TOX: variants seen among roughly 807,000 people sequenced by gnomAD.
TOX encodes thymocyte selection associated high mobility group box.
Under a neutral mutation model 53.7 loss-of-function variants are expected in TOX, and 11 were observed. That is an observed-to-expected ratio of 0.20 (90% CI 0.13 to 0.34). TOX has a LOEUF of 0.34. TOX is among the 10% of genes least tolerant of loss of function. The pLI is 1.00. For synonymous variants in TOX, 225 were observed against 245.3 expected, an observed-to-expected ratio of 0.92 and a Z score of 0.77; for missense variants, 570 against 664.6, an observed-to-expected ratio of 0.86 and a Z score of 1.56.
At chr8:59,025,221 T>C (rs1814212594) in intron 1 of TOX, among the ~76,000 whole-genome samples, 1 of 152,142 alleles carries the variant, frequency 6.6e-6, no homozygotes, top group Non-Finnish European at 1.5e-5. Flanking sequence ...CCTCTCAGGA[T>C]GAAATTCCCT....
rs544976011 is a variant in TOX, at chr8:58,928,357, A to G, written c.411+10945T>C. On this transcript the variant is annotated intron_variant, in intron 3 of 8. Transcript: ENST00000361421. ...AAAATCCATGTGATAGTAGCTATTAACAAGAGGTCCCACTCTGCATCTGTC... is the reference window on the plus strand; with the variant it reads ...AAAATCCATGTGATAGTAGCTATTAGCAAGAGGTCCCACTCTGCATCTGTC... Among the ~76,000 whole-genome samples the G allele has an allele frequency of 6.6e-5, 10 of 152,338 alleles. No homozygotes were observed. The East Asian group carries it at 1.7e-3, about 26-fold the overall frequency.
intron 1 of TOX, among the ~76,000 whole-genome samples, chr8:59,112,160 C>T (rs1368793856): frequency 6.6e-6 from 1 of 152,160 alleles, no homozygotes; most frequent in Non-Finnish European, 1.5e-5. Flanking sequence ...CCTCCCTTCT[C>T]GTCTTTTCTG....
intron 1 of TOX, among the ~76,000 whole-genome samples, chr8:59,109,640 C>T (rs1376210079): frequency 6.6e-6 from 1 of 152,078 alleles, no homozygotes; most frequent in Non-Finnish European, 1.5e-5. Flanking sequence ...ATGATTAGCA[C>T]ATTATGTGAA....
chr8:58,840,030 C>T (rs1037017571), intron 4 of TOX, among the ~76,000 whole-genome samples: 16 of 152,182 alleles, frequency 1.1e-4, no homozygotes, highest in African/African-American at 3.4e-4. Context: ...AGTTTAAAAG[C>T]GTATTCAAAT....
In TOX at chr8:59,034,091, G is replaced by A. The variant is rs376030012; in HGVS notation, c.103-74083C>T. ...CCCAACGAGTTCCCATCAGACTGAC[G>A]GAGGCTGACTTCTTGAAAACCCTTC... is the stretch of plus-strand genomic sequence containing the variant. On this transcript the variant is annotated intron_variant, in intron 1 of 8. Coordinates refer to ENST00000361421, the MANE Select transcript of TOX (RefSeq NM_014729.3). 6.9e-4 allele frequency among the ~76,000 whole-genome samples: 105 copies of A among 152,284 alleles called. 1 individual carries two copies. Among genetic ancestry groups the A allele is most frequent in the African/African-American group, 2.3e-3 (94 of 41,550 alleles).
intron 1 of TOX, among the ~76,000 whole-genome samples, chr8:58,963,298 G>GATAT (rs752277652): frequency 0.05 from 4,049 of 81,492 alleles, 112 homozygotes; most frequent in Non-Finnish European, 0.074. Context: ...ATAGAAGATA[G>GATAT]ATAGATAGAT....
At chr8:58,883,298 T>C (rs1811413067) in intron 3 of TOX, among the ~76,000 whole-genome samples, 1 of 152,224 alleles carries the variant, frequency 6.6e-6, no homozygotes, top group Non-Finnish European at 1.5e-5. Context: ...GCCTCAGTTT[T>C]CTTACCAGTA....
intron 1 of TOX, among the ~76,000 whole-genome samples, chr8:59,061,910 G>A (rs1415099146): frequency 5.3e-5 from 8 of 151,982 alleles, no homozygotes; most frequent in Admixed American, 2.0e-4. Context: ...CTTTCTTGGC[G>A]CTTCTCTTCT....
intron 3 of TOX, among the ~76,000 whole-genome samples, chr8:58,932,098 T>C (rs1260114503): frequency 1.3e-5 from 2 of 152,146 alleles, no homozygotes; most frequent in Non-Finnish European, 2.9e-5. Flanking sequence ...CAATTAACTA[T>C]AAACAACACC....
chr8:58,957,343 T>C (rs906802651), intron 2 of TOX, among the ~76,000 whole-genome samples: 1 of 152,214 alleles, frequency 6.6e-6, no homozygotes, highest in Non-Finnish European at 1.5e-5. Flanking sequence ...ATGGAAATCT[T>C]ATGAGTTTTT....
At chr8:58,846,789 C>T (rs550515122) in intron 4 of TOX, among the ~76,000 whole-genome samples, 1 of 152,162 alleles carries the variant, frequency 6.6e-6, no homozygotes, top group African/African-American at 2.4e-5. Context: ...AAGACAAACC[C>T]CATGCCTTAC....
At chr8:58,888,397 T>C (rs1811506689) in intron 3 of TOX, among the ~76,000 whole-genome samples, 2 of 151,930 alleles carry the variant, frequency 1.3e-5, no homozygotes. Context: ...CTACTGAAGG[T>C]CACAAAAGAA....
At chr8:59,019,985 G>A (rs953972470) in intron 1 of TOX, among the ~76,000 whole-genome samples, 4 of 152,106 alleles carry the variant, frequency 2.6e-5, no homozygotes, top group African/African-American at 9.7e-5. Context: ...ACTTACAACT[G>A]CATGGCACAT....
At chr8:59,101,534 C>A (rs1804806950) in intron 1 of TOX, among the ~76,000 whole-genome samples, 2 of 152,184 alleles carry the variant, frequency 1.3e-5, no homozygotes, top group Non-Finnish European at 2.9e-5. Context: ...ACTGCAGACA[C>A]ATAGTATTCA....
chr8:58,869,220 C>T (rs1468929188), intron 3 of TOX, among the ~76,000 whole-genome samples: 36 of 112,244 alleles, frequency 3.2e-4, no homozygotes, highest in East Asian at 7.4e-4. Context: ...AGCGAGACTG[C>T]GTCTCAAAAA....
chr8:59,050,876 A>T (rs1395520954), intron 1 of TOX, among the ~76,000 whole-genome samples: 1 of 152,204 alleles, frequency 6.6e-6, no homozygotes, highest in Non-Finnish European at 1.5e-5. Context: ...AAATCTCTGC[A>T]GTAATCCTGA....
At chr8:58,831,149 C>T (rs945959521) in intron 5 of TOX, among the ~76,000 whole-genome samples, 5 of 152,114 alleles carry the variant, frequency 3.3e-5, no homozygotes, top group Admixed American at 3.3e-4. Context: ...CTGTCTGACC[C>T]ACGTAAATGG....
At chr8:58,894,307 C>T (rs138166843) in intron 3 of TOX, among the ~76,000 whole-genome samples, 44 of 152,206 alleles carry the variant, frequency 2.9e-4, no homozygotes, top group East Asian at 7.7e-4. Flanking sequence ...AACAGCTCAG[C>T]GGGAAAGGTT....
chr8:59,089,981 C>A (rs1193640559), intron 1 of TOX, among the ~76,000 whole-genome samples: 1 of 152,278 alleles, frequency 6.6e-6, no homozygotes, highest in Non-Finnish European at 1.5e-5. Context: ...GACTGAAGGC[C>A]CCATCAGATT....
Sources: allele counts gnomAD v4.1 joint callset (sites outside exome capture counted in the v4.1 genomes callset), GRCh38; gene constraint gnomAD v4.1.1; transcripts MANE v1.5; gene names NCBI Gene and HGNC (gene_info 2026-07-23, HGNC 2026-07-21).